SLC35F3: variants seen among roughly 807,000 people sequenced by gnomAD.
SLC35F3 encodes putative thiamine transporter SLC35F3.
A neutral mutation model predicts 49.9 loss-of-function variants in SLC35F3; 25 were observed. The ratio of observed to expected loss-of-function variants is 0.50; its 90% CI spans 0.37 to 0.70. SLC35F3 has a LOEUF of 0.70. SLC35F3 is among the 30% of genes least tolerant of loss of function. SLC35F3 has a pLI of 0.00. For synonymous variants in SLC35F3, 275 were observed against 265.4 expected (o/e 1.04, Z -0.35); for missense variants, 525 against 639.8 (o/e 0.82, Z 1.94).
intron 2 of SLC35F3, among the ~76,000 whole-genome samples, chr1:234,184,137 TTA>T (rs1491437989): frequency 1.4e-5 from 2 of 147,600 alleles, no homozygotes; most frequent in Non-Finnish European, 3.0e-5. Context: ...CACAGTTTTT[TTA>T]AAAAAAAAAA....
chr1:234,271,560 A>C (rs550524491), intron 3 of SLC35F3, among the ~76,000 whole-genome samples: 15 of 152,352 alleles, frequency 9.8e-5, no homozygotes, highest in African/African-American at 3.4e-4. Context: ...CTTGAGACCC[A>C]TCAGGGAAAA....
At chr1:234,212,802 C>T (rs1389057021) in intron 2 of SLC35F3, 1 of 152,080 alleles carries the variant, frequency 6.6e-6, no homozygotes. Context: ...CTTTAATATA[C>T]AACATGTAAT....
At chr1:233,926,891 A>T (rs1045772034) in intron 2 of SLC35F3, among the ~76,000 whole-genome samples, 1 of 151,874 alleles carries the variant, frequency 6.6e-6, no homozygotes, top group African/African-American at 2.4e-5. Context: ...AACAGTCAGG[A>T]CCCTCAGCTG....
At chr1:234,259,303 A>G (rs1380719096) in intron 3 of SLC35F3, among the ~76,000 whole-genome samples, 2 of 152,234 alleles carry the variant, frequency 1.3e-5, no homozygotes, top group Admixed American at 6.5e-5. Context: ...ACGAAAACCT[A>G]TCACTATCAT....
intron 2 of SLC35F3, among the ~76,000 whole-genome samples, chr1:234,151,946 G>C (rs1666080340): frequency 6.6e-6 from 1 of 151,756 alleles, no homozygotes; most frequent in Non-Finnish European, 1.5e-5. Context: ...TTGCCGTATG[G>C]TTGATCGTTT....
intron 2 of SLC35F3, among the ~76,000 whole-genome samples, chr1:234,133,129 GT>G (rs1240249100): frequency 2.6e-5 from 4 of 152,058 alleles, no homozygotes; most frequent in Non-Finnish European, 5.9e-5. Context: ...CTCTCCTTCA[GT>G]TTTTTTCTTT....
At chr1:233,987,135 A>G (rs1267496695) in intron 2 of SLC35F3, among the ~76,000 whole-genome samples, 3 of 151,936 alleles carry the variant, frequency 2.0e-5, no homozygotes, top group African/African-American at 7.3e-5. Flanking sequence ...AAAAATACAA[A>G]AAAAATTAGC....
chr1:234,259,973 T>C (rs948989840), intron 3 of SLC35F3, among the ~76,000 whole-genome samples: 5 of 152,152 alleles, frequency 3.3e-5, no homozygotes, highest in African/African-American at 1.2e-4. Context: ...AAACTGCCCC[T>C]CGTAGTTTTC....
chr1:234,205,115 G>T (rs1263223426), intron 2 of SLC35F3, among the ~76,000 whole-genome samples: 1 of 152,156 alleles, frequency 6.6e-6, no homozygotes, highest in Non-Finnish European at 1.5e-5. Flanking sequence ...TTTCTTTGGA[G>T]CACTTTATAT....
chr1:233,985,626 G>A (rs1304577845), intron 2 of SLC35F3, among the ~76,000 whole-genome samples: 1 of 152,220 alleles, frequency 6.6e-6, no homozygotes, highest in African/African-American at 2.4e-5. Flanking sequence ...GGTACGTGAT[G>A]TAAGTTAGTG....
At chr1:234,239,045 A>G (rs1204222169) in intron 3 of SLC35F3, among the ~76,000 whole-genome samples, 1 of 152,256 alleles carries the variant, frequency 6.6e-6, no homozygotes, top group East Asian at 1.9e-4. Context: ...AATAACTGCC[A>G]TATGAGTGTA....
intron 3 of SLC35F3, among the ~76,000 whole-genome samples, chr1:234,267,031 C>G (rs1375292064): frequency 7.2e-6 from 1 of 139,594 alleles, no homozygotes; most frequent in African/African-American, 2.7e-5. Flanking sequence ...TGCGGCCTTC[C>G]GCAGTGTTTG....
intron 2 of SLC35F3, among the ~76,000 whole-genome samples, chr1:233,918,575 C>T (rs1266050504): frequency 6.6e-6 from 1 of 152,130 alleles, no homozygotes; most frequent in South Asian, 2.1e-4. Context: ...TGAGACCAGC[C>T]TGGCCAATGT....
intron 3 of SLC35F3, among the ~76,000 whole-genome samples, chr1:234,293,099 C>T (rs944978252): frequency 6.6e-6 from 1 of 152,212 alleles, no homozygotes; most frequent in African/African-American, 2.4e-5. Context: ...CCTCTGATGC[C>T]ATAGGCAGAT....
chr1:234,145,575 G>A (rs1351314974), intron 2 of SLC35F3, among the ~76,000 whole-genome samples: 2 of 151,868 alleles, frequency 1.3e-5, no homozygotes, highest in African/African-American at 2.4e-5. Context: ...AAATATTCGG[G>A]AAAAAAATGA....
intron 2 of SLC35F3, among the ~76,000 whole-genome samples, chr1:233,944,683 G>A (rs1662484400): frequency 6.6e-6 from 1 of 152,146 alleles, no homozygotes; most frequent in Non-Finnish European, 1.5e-5. Flanking sequence ...GAGGAACACA[G>A]GATAAATGTT....
chr1:233,942,290 C>A (rs1662439686), intron 2 of SLC35F3, among the ~76,000 whole-genome samples: 1 of 151,708 alleles, frequency 6.6e-6, no homozygotes, highest in Non-Finnish European at 1.5e-5. Flanking sequence ...AGACACTGAG[C>A]TTGTGACAAA....
intron 4 of SLC35F3, among the ~76,000 whole-genome samples, chr1:234,313,339 A>G (rs1657405513): frequency 2.0e-5 from 3 of 152,146 alleles, no homozygotes; most frequent in Non-Finnish European, 4.4e-5. Flanking sequence ...ACTGTCATGG[A>G]GATGAGTGGT....
chr1:234,108,799 TTA>T (rs1161104987), intron 2 of SLC35F3, among the ~76,000 whole-genome samples: 6 of 115,874 alleles, frequency 5.2e-5, no homozygotes, highest in African/African-American at 1.0e-4. Flanking sequence ...ATATATATAT[TTA>T]TATATATATA....
Sources: allele counts gnomAD v4.1 joint callset (sites outside exome capture counted in the v4.1 genomes callset), GRCh38; gene constraint gnomAD v4.1.1; transcripts MANE v1.5; gene names NCBI Gene and HGNC (gene_info 2026-07-23, HGNC 2026-07-21).